ADGRB3: variants seen among roughly 807,000 people sequenced by gnomAD.
ADGRB3 encodes the protein adhesion G protein-coupled receptor B3.
ADGRB3 carries 37 observed loss-of-function variants against 193.4 expected under a neutral mutation model. The observed-to-expected ratio is 0.19, with a 90% CI of 0.15 to 0.25. ADGRB3 has a LOEUF of 0.25. Ranked by LOEUF, ADGRB3 falls within the 10% of genes least tolerant of loss-of-function variation. ADGRB3 has a pLI of 1.00. For missense variants in ADGRB3, 1,637 were observed against 1,852.9 expected (o/e 0.88, Z 2.14); for synonymous variants, 690 against 644.2 (o/e 1.07, Z -1.08).
chr6:68,990,968 A>G (rs1159093876), intron 10 of ADGRB3, among the ~76,000 whole-genome samples: 2 of 152,088 alleles, frequency 1.3e-5, no homozygotes, highest in Admixed American at 1.3e-4. Context: ...TATTACCTTC[A>G]TTTCTCTTCA....
At chr6:68,985,303 G>A (rs1039198281) in intron 10 of ADGRB3, among the ~76,000 whole-genome samples, 4 of 152,148 alleles carry the variant, frequency 2.6e-5, no homozygotes, top group Non-Finnish European at 5.9e-5. Flanking sequence ...ACTTTGAAAA[G>A]TGCTCTTTGT....
intron 3 of ADGRB3, among the ~76,000 whole-genome samples, chr6:68,656,249 A>G (rs1218527550): frequency 6.6e-6 from 1 of 151,598 alleles, no homozygotes; most frequent in Non-Finnish European, 1.5e-5. Context: ...GAGAATTAGA[A>G]ATGTGACGTT....
chr6:69,229,103 C>A (rs550445566), intron 17 of ADGRB3, among the ~76,000 whole-genome samples: 32 of 152,224 alleles, frequency 2.1e-4, no homozygotes, highest in African/African-American at 6.0e-4. Context: ...AGTAAAACTT[C>A]CTGATTTTAT....
intron 22 of ADGRB3, among the ~76,000 whole-genome samples, chr6:69,329,258 G>GT (rs34056879): frequency 4.6e-5 from 7 of 151,978 alleles, no homozygotes; most frequent in Admixed American, 1.3e-4. Flanking sequence ...TCAGACTAAG[G>GT]TTTTTTTCTC....
At chr6:68,790,106 C>T (rs1280048824) in intron 3 of ADGRB3, among the ~76,000 whole-genome samples, 1 of 152,140 alleles carries the variant, frequency 6.6e-6, no homozygotes, top group African/African-American at 2.4e-5. Flanking sequence ...GAATTTCCTC[C>T]TGTAGCTCAG....
At chr6:69,319,626 T>C (rs1768400612) in intron 20 of ADGRB3, among the ~76,000 whole-genome samples, 2 of 151,396 alleles carry the variant, frequency 1.3e-5, no homozygotes, top group African/African-American at 4.8e-5. Context: ...ATTATTGTTT[T>C]TATAAAGATG....
intron 3 of ADGRB3, among the ~76,000 whole-genome samples, chr6:68,927,937 T>C (rs540867467): frequency 6.6e-6 from 1 of 152,252 alleles, no homozygotes; most frequent in Admixed American, 6.5e-5. Context: ...ATCAAGTTCA[T>C]AAACTATTGA....
At chr6:69,225,318 T>C (rs1765986194) in intron 17 of ADGRB3, among the ~76,000 whole-genome samples, 1 of 152,220 alleles carries the variant, frequency 6.6e-6, no homozygotes, top group African/African-American at 2.4e-5. Context: ...TTTATTTTCT[T>C]ATTTGACCTT....
At chr6:69,021,893 A>G (rs558164901) in intron 13 of ADGRB3, among the ~76,000 whole-genome samples, 35 of 152,046 alleles carry the variant, frequency 2.3e-4, no homozygotes, top group Non-Finnish European at 4.3e-4. Flanking sequence ...GTGTGCATGT[A>G]CATTTTTATA....
intron 3 of ADGRB3, among the ~76,000 whole-genome samples, chr6:68,675,344 A>G (rs896816743): frequency 6.6e-6 from 1 of 152,226 alleles, no homozygotes. Context: ...GCAATAACAA[A>G]GTAGAACATA....
intron 26 of ADGRB3, among the ~76,000 whole-genome samples, chr6:69,349,620 A>G (rs531876370): frequency 6.6e-6 from 1 of 152,304 alleles, no homozygotes; most frequent in East Asian, 1.9e-4. Flanking sequence ...GAATTTAATG[A>G]TTATGAAAAG....
intron 3 of ADGRB3, among the ~76,000 whole-genome samples, chr6:68,852,415 A>G (rs1768422904): frequency 6.6e-6 from 1 of 152,004 alleles, no homozygotes; most frequent in Non-Finnish European, 1.5e-5. Context: ...TAGACCTCTA[A>G]CAAAAATGCT....
At chr6:68,955,921 A>G in intron 6 of ADGRB3, 103 bp from the exon 7 acceptor site, 3 of 1,146,114 alleles carry the variant, frequency 2.6e-6, no homozygotes, top group South Asian at 1.6e-5. Context: ...TTCATAGTCC[A>G]TTGATTGGGG....
chr6:68,662,311 G>A (rs188434316), intron 3 of ADGRB3, among the ~76,000 whole-genome samples: 8 of 151,606 alleles, frequency 5.3e-5, no homozygotes, highest in African/African-American at 1.9e-4. Context: ...GGGAGTCTAA[G>A]TTAATTTTCA....
chr6:69,107,949 G>C (rs1286960599), intron 17 of ADGRB3, among the ~76,000 whole-genome samples: 1 of 151,628 alleles, frequency 6.6e-6, no homozygotes, highest in Non-Finnish European at 1.5e-5. Flanking sequence ...ACTGCGCTCA[G>C]TACCTGGGAT....
rs11284011 is a variant in ADGRB3, at chr6:69,002,222, C to CT, written c.1929+8277dup. Among the ~76,000 whole-genome samples the CT allele has an allele frequency of 6.9e-3, 958 of 138,500 alleles. 13 individuals carry two copies. The highest frequency in any genetic ancestry group is 0.019 in the African/African-American group (721 of 37,570). The allele number at this position is 138,500 out of a possible 152,430, so 90.9% of individuals were successfully genotyped here. ...TTCAACAAAACCAAGCATCTTTTATCTTTTTTTTTTTTTTTTTGATGGAGT... is the reference window on the plus strand; with the variant it reads ...TTCAACAAAACCAAGCATCTTTTATCTTTTTTTTTTTTTTTTTTGATGGAGT... On this transcript the variant is annotated intron_variant, in intron 11 of 31. Transcript: ENST00000370598.
intron 17 of ADGRB3, among the ~76,000 whole-genome samples, chr6:69,110,597 T>G (rs1773340457): frequency 6.6e-6 from 1 of 152,234 alleles, no homozygotes; most frequent in African/African-American, 2.4e-5. Context: ...AGTTGTTTCA[T>G]CCTTATCTTT....
chr6:68,646,680 T>A (rs898113494), intron 3 of ADGRB3, among the ~76,000 whole-genome samples: 1 of 152,128 alleles, frequency 6.6e-6, no homozygotes, highest in Non-Finnish European at 1.5e-5. Context: ...TTTTTTGTTT[T>A]GTTTTTGGGT....
rs114659788 is a variant in ADGRB3 at position 69,077,224 on chromosome 6, A to T, written c.2480+1186A>T. ...GGAACTTTACAGACAAATCCATGAT[A>T]GTAAAATTTTTGCAAGCTTTCTCTC... is the stretch of plus-strand genomic sequence containing the variant. On this transcript the variant is annotated intron_variant, in intron 17 of 31. Transcript: ENST00000370598. 1.7e-3 allele frequency among the ~76,000 whole-genome samples: 264 copies of T among 152,088 alleles called. 2 individuals carry two copies. Among genetic ancestry groups the T allele is most frequent in the African/African-American group, 6.2e-3 (256 of 41,534 alleles).
Sources: gnomAD v4.1 joint callset for allele counts (sites outside exome capture counted in the v4.1 genomes callset) on GRCh38, gnomAD v4.1.1 for gene constraint, MANE v1.5 for transcripts, NCBI Gene and HGNC (gene_info 2026-07-23, HGNC 2026-07-21) for gene names.